The following CCNT2 variants were observed in gnomAD, a reference collection of about 807,000 sequenced individuals.
The protein encoded by CCNT2 is cyclin T2.
In CCNT2, 18 loss-of-function variants were observed where a neutral mutation model predicts 70.0. The ratio of observed to expected loss-of-function variants is 0.26; its 90% CI spans 0.18 to 0.38. The LOEUF (loss-of-function observed/expected upper bound fraction) is 0.38. Ranked by LOEUF, CCNT2 falls within the 10% of genes least tolerant of loss-of-function variation. The probability of loss-of-function intolerance (pLI) is 1.00; values close to 1 mark genes in which losing one functional copy is unlikely to be tolerated. For synonymous variants in CCNT2, 334 were observed against 313.3 expected (o/e 1.07, Z -0.70); for missense variants, 734 against 890.2 (o/e 0.82, Z 2.23).
chr2:134,951,211 C>T (rs1682473808), intron 7 of CCNT2, among the ~76,000 whole-genome samples: 1 of 151,632 alleles, frequency 6.6e-6, no homozygotes, highest in South Asian at 2.1e-4. Flanking sequence ...TCTGAAGTGT[C>T]GATCTTAACA....
chr2:134,945,676 T>C (rs1234831645), intron 5 of CCNT2: 1 of 1,243,094 alleles, frequency 8.0e-7, no homozygotes, highest in Non-Finnish European at 1.0e-6. Context: ...GATGGAAGTA[T>C]TTAAGCCAAC....
chr2:134,953,360 A>G lies in CCNT2; in HGVS notation c.905A>G (p.Gln302Arg). ...GGTGTGCCTACAAACCCAAGTTTTCAGAAACCATCTACATCAGCATTCCCT... is the reference window on the plus strand; with the variant it reads ...GGTGTGCCTACAAACCCAAGTTTTCGGAAACCATCTACATCAGCATTCCCT... ...VTGVPTNPSF[Q>R]KPSTSAFPAP... The change falls in exon 9 of 9, where the codon CAG (glutamine) becomes CGG (arginine). Residue 302 changes from glutamine to arginine, a missense_variant. Physicochemically the swap from Gln to Arg is conservative, Grantham distance 43 (BLOSUM62 1). Around this residue, in one of 3 missense-constraint regions of CCNT2, gnomAD observed 532 missense variants for 556.9 expected, o/e 0.96. Coordinates refer to ENST00000264157, the MANE Select transcript of CCNT2 (RefSeq NM_058241.3). 6.2e-7 allele frequency: 1 copy of G among 1,604,468 alleles called. No individual in the cohort carries two copies. The highest frequency in any genetic ancestry group is 2.3e-5 in the East Asian group (1 of 44,302).
At chr2:134,946,829 T>G (rs1206273743) in intron 6 of CCNT2, among the ~76,000 whole-genome samples, 1 of 152,220 alleles carries the variant, frequency 6.6e-6, no homozygotes, top group Non-Finnish European at 1.5e-5. Flanking sequence ...TATATAATTC[T>G]GTTCTAGATT....
intron 5 of CCNT2, chr2:134,944,578 G>A: frequency 2.1e-6 from 2 of 974,214 alleles, no homozygotes; most frequent in South Asian, 9.5e-5. Flanking sequence ...AATTTGATAT[G>A]TCATCCAAAA....
intron 7 of CCNT2, among the ~76,000 whole-genome samples, chr2:134,951,283 A>G (rs565973444): frequency 6.6e-6 from 1 of 152,276 alleles, no homozygotes; most frequent in African/African-American, 2.4e-5. Context: ...GTCTCTATTA[A>G]TAGAGGTTCC....
intron 2 of CCNT2, among the ~76,000 whole-genome samples, chr2:134,929,988 AAG>A (rs998370003): frequency 1.9e-4 from 29 of 150,390 alleles, no homozygotes; most frequent in African/African-American, 6.4e-4. Context: ...TTAAAAAAAA[AAG>A]AGAGAGAGAG....
Position 134,936,859 on chromosome 2 carries a change from T to C in CCNT2, c.259T>C (p.Leu87=). 1 of 1,613,522 alleles carries C rather than the reference T, an allele frequency of 6.2e-7. No homozygotes were observed. The highest frequency in any genetic ancestry group is 2.2e-5 in the East Asian group (1 of 44,856). The part of the protein sequence containing the change: ...FNKNIISSTA[L]FLAAKVEEQA... ...TCTGCAGATAATATCGTCTACTGCA[T>C]TATTTTTGGCTGCAAAAGTGGAAGA... is the stretch of plus-strand genomic sequence containing the variant. Residue 87 remains leucine, a synonymous_variant, in exon 3 of 9, where the codon TTA becomes CTA. Coordinates refer to ENST00000264157, the MANE Select transcript of CCNT2 (RefSeq NM_058241.3).
At chr2:134,919,120 G>C (rs1429102116) in intron 1 of CCNT2, 108 bp downstream of exon 1, 3 of 1,272,638 alleles carry the variant, frequency 2.4e-6, no homozygotes, top group Non-Finnish European at 3.2e-6. Flanking sequence ...GCTGGGCCTC[G>C]GCGCCGCGGT....
At position 134,953,565 on chromosome 2, in the gene CCNT2, A is replaced by G. The variant is rs935396354; in HGVS notation, c.1110A>G (p.Thr370=). ...AGCTATATTCACAGAAACAGGAGAC[A>G]TCTTTGTCTGGTAGCCAGTACAACA... is the stretch of plus-strand genomic sequence containing the variant. ...TEQLYSQKQE[T]SLSGSQYNIN... The change falls in exon 9 of 9, where the codon ACA becomes ACG. Residue 370 remains threonine (T), a synonymous_variant. Coordinates refer to ENST00000264157, the MANE Select transcript of CCNT2 (RefSeq NM_058241.3). 9.9e-6 allele frequency: 16 copies of G among 1,614,054 alleles called. No individual in the cohort carries two copies. Among genetic ancestry groups the G allele is most frequent in the Non-Finnish European group, 1.1e-5 (13 of 1,180,006 alleles).
intron 2 of CCNT2, among the ~76,000 whole-genome samples, chr2:134,935,518 C>T (rs913312374): frequency 2.0e-5 from 3 of 152,116 alleles, no homozygotes; most frequent in Non-Finnish European, 4.4e-5. Flanking sequence ...TGTTTCTGTA[C>T]GGTAATTGTT....
At chr2:134,943,195 G>T (rs1681694321) in intron 5 of CCNT2, 1 of 632,588 alleles carries the variant, frequency 1.6e-6, no homozygotes, top group Non-Finnish European at 2.0e-6. Context: ...GAGCTCAGGA[G>T]TTCGAGACCA....
chr2:134,946,299 T>A (rs1681962094), intron 6 of CCNT2, 153 bp downstream of exon 6: 1 of 1,205,904 alleles, frequency 8.3e-7, no homozygotes, highest in Non-Finnish European at 1.1e-6. Flanking sequence ...CGGTGTATTG[T>A]ACAAGGGACT....
chr2:134,952,781 A>C (rs746362919), intron 8 of CCNT2, 70 bp downstream of exon 8: 15 of 1,105,722 alleles, frequency 1.4e-5, no homozygotes, highest in Non-Finnish European at 1.8e-5. Flanking sequence ...AACCAGTTTG[A>C]ATTTTTGTGG....
At chr2:134,940,388 A>G (rs1446496445) in intron 4 of CCNT2, among the ~76,000 whole-genome samples, 1 of 152,030 alleles carries the variant, frequency 6.6e-6, no homozygotes, top group Non-Finnish European at 1.5e-5. Flanking sequence ...TGCATAAACT[A>G]TATATAGATA....
chr2:134,958,998 G>T lies in CCNT2; in HGVS notation c.*4350G>T, dbSNP rs1408053277. The T allele has an allele frequency of 6.6e-6, 1 of 151,962 alleles. No individual in the cohort carries two copies. The highest frequency in any genetic ancestry group is 1.5e-5 in the Non-Finnish European group (1 of 67,996). 9.4% of individuals were successfully genotyped at this position (151,962 alleles called of 1,614,324 possible). A position where few individuals can be genotyped will look rare whatever the true frequency, so the allele number is the denominator to read the frequency against. On this transcript the variant is annotated 3_prime_UTR_variant, in exon 9 of 9. Coordinates refer to ENST00000264157, the MANE Select transcript of CCNT2 (RefSeq NM_058241.3). ...TCTACTTTATTTTCAAGTTTGGGGC[G>T]GAAACTCAAAATCCCGAGCATTGCC...
At chr2:134,947,985 T>C in intron 7 of CCNT2, 86 bp downstream of exon 7, 1 of 715,092 alleles carries the variant, frequency 1.4e-6, no homozygotes, top group East Asian at 2.9e-5. Flanking sequence ...CAGTACACTA[T>C]CAGATGAACA....
chr2:134,927,998 A>T (rs1349505419), intron 2 of CCNT2, among the ~76,000 whole-genome samples: 1 of 152,240 alleles, frequency 6.6e-6, no homozygotes, highest in East Asian at 1.9e-4. Flanking sequence ...TGAGAACTGT[A>T]GAAGTTCACC....
At chr2:134,939,124 T>G in intron 4 of CCNT2, 62 bp downstream of exon 4, 1 of 1,094,274 alleles carries the variant, frequency 9.1e-7, no homozygotes, top group Admixed American at 1.9e-5. Context: ...TCTAAATAAG[T>G]GAAAAGATTT....
At chr2:134,921,986 A>G (rs1174802763) in intron 2 of CCNT2, among the ~76,000 whole-genome samples, 1 of 152,188 alleles carries the variant, frequency 6.6e-6, no homozygotes, top group Non-Finnish European at 1.5e-5. Context: ...TGCTATTATA[A>G]TATCAAAAGT....
Sources: allele counts gnomAD v4.1 joint callset (sites outside exome capture counted in the v4.1 genomes callset), GRCh38; gene constraint gnomAD v4.1.1; regional missense constraint gnomAD v4.1.1; transcripts MANE v1.5; gene names NCBI Gene and HGNC (gene_info 2026-07-23, HGNC 2026-07-21).